PDE5A: variants seen among roughly 807,000 people sequenced by gnomAD.
The protein encoded by PDE5A is phosphodiesterase 5A, also known as cGMP-specific 3',5'-cyclic phosphodiesterase.
Under a neutral mutation model 110.2 loss-of-function variants are expected in PDE5A, and 67 were observed. The observed-to-expected ratio is 0.61, with a 90% CI of 0.50 to 0.75. The LOEUF is 0.75. Among genes scored for constraint, PDE5A ranks in the 30% least tolerant of loss-of-function variants. The probability of loss-of-function intolerance (pLI) is 0.00; values close to 1 mark genes in which losing one functional copy is unlikely to be tolerated. For synonymous variants in PDE5A, 328 were observed against 351.2 expected (o/e 0.93, Z 0.74); for missense variants, 862 against 1,045.1 (o/e 0.82, Z 2.42).
intron 3 of PDE5A, among the ~76,000 whole-genome samples, chr4:119,577,520 G>C (rs1025107383): frequency 6.6e-6 from 1 of 152,178 alleles, no homozygotes. Flanking sequence ...TGGGATGCAA[G>C]GCTGGTTCAA....
intron 9 of PDE5A, chr4:119,543,929 G>C (rs1201346690): frequency 1.3e-5 from 2 of 152,066 alleles, no homozygotes; most frequent in African/African-American, 4.8e-5. Context: ...TTTCTAGACT[G>C]TCAGTATCTT....
intron 2 of PDE5A, among the ~76,000 whole-genome samples, chr4:119,606,401 C>A: frequency 6.6e-6 from 1 of 151,364 alleles, no homozygotes; most frequent in African/African-American, 2.4e-5. Context: ...GTATAGTGAT[C>A]AGATAAAAAG....
intron 7 of PDE5A, among the ~76,000 whole-genome samples, chr4:119,557,832 C>T (rs1473219279): frequency 1.3e-5 from 2 of 152,172 alleles, no homozygotes; most frequent in African/African-American, 4.8e-5. Context: ...CATTCTTCTA[C>T]ACTGTATCCA....
chr4:119,545,017 A>AAACAAC (rs71595402), intron 9 of PDE5A, among the ~76,000 whole-genome samples: 112 of 151,726 alleles, frequency 7.4e-4, no homozygotes, highest in African/African-American at 2.6e-3. Context: ...GCTCTGGGGA[A>AAACAAC]AACAACAACA....
chr4:119,593,026 A>T (rs984619411), intron 3 of PDE5A, among the ~76,000 whole-genome samples: 1 of 152,156 alleles, frequency 6.6e-6, no homozygotes, highest in Non-Finnish European at 1.5e-5. Flanking sequence ...ATGTAATGAA[A>T]TTTAAATCAT....
intron 2 of PDE5A, among the ~76,000 whole-genome samples, chr4:119,597,317 T>C (rs369116336): frequency 6.8e-6 from 1 of 146,544 alleles, no homozygotes; most frequent in Non-Finnish European, 1.5e-5. Context: ...TTTTTTTTTT[T>C]CTTTTTTTGT....
chr4:119,512,070 A>T (rs906775861), intron 14 of PDE5A, among the ~76,000 whole-genome samples: 3 of 152,080 alleles, frequency 2.0e-5, no homozygotes, highest in African/African-American at 7.2e-5. Context: ...CTGATTTGTT[A>T]TTTCTTCCTA....
chr4:119,608,680 G>A (rs1358790751), intron 1 of PDE5A, among the ~76,000 whole-genome samples: 2 of 152,096 alleles, frequency 1.3e-5, no homozygotes, highest in South Asian at 2.1e-4. Context: ...AAGATAAAAA[G>A]TTGCTATAAC....
chr4:119,529,970 G>C (rs774170858), intron 11 of PDE5A, among the ~76,000 whole-genome samples: 1 of 152,110 alleles, frequency 6.6e-6, no homozygotes, highest in Non-Finnish European at 1.5e-5. Flanking sequence ...TCCCAACACA[G>C]ACCTACTGAA....
intron 11 of PDE5A, chr4:119,538,732 AATG>A: frequency 2.3e-6 from 1 of 442,676 alleles, no homozygotes; most frequent in Non-Finnish European, 4.1e-6. Context: ...AAAAAGATGT[AATG>A]ATTATAACAA....
intron 3 of PDE5A, among the ~76,000 whole-genome samples, chr4:119,574,463 G>A (rs1231353324): frequency 6.6e-6 from 1 of 151,952 alleles, no homozygotes; most frequent in Non-Finnish European, 1.5e-5. Context: ...TTACAGGTGT[G>A]GGCCACCGCG....
chr4:119,540,566 A>G (rs964344313), intron 10 of PDE5A, among the ~76,000 whole-genome samples: 1 of 152,228 alleles, frequency 6.6e-6, no homozygotes. Flanking sequence ...ACATGGATAC[A>G]TGAATAAAGA....
intron 8 of PDE5A, among the ~76,000 whole-genome samples, chr4:119,553,285 T>A (rs1727423078): frequency 6.6e-6 from 1 of 152,062 alleles, no homozygotes; most frequent in South Asian, 2.1e-4. Context: ...ACCAATTGCA[T>A]CAGTTCAAGC....
At chr4:119,584,296 A>G (rs1324601032) in intron 3 of PDE5A, among the ~76,000 whole-genome samples, 1 of 152,210 alleles carries the variant, frequency 6.6e-6, no homozygotes, top group Non-Finnish European at 1.5e-5. Context: ...TCTGTAAAAC[A>G]ATACATGCAA....
At chr4:119,621,260 C>A (rs1244205622) in intron 1 of PDE5A, among the ~76,000 whole-genome samples, 1 of 152,124 alleles carries the variant, frequency 6.6e-6, no homozygotes, top group Admixed American at 6.5e-5. Flanking sequence ...GGGAATGTAC[C>A]CTCCCCAATG....
At position 119,498,689 on chromosome 4, in the gene PDE5A, C is replaced by G; in HGVS notation, c.2540G>C (p.Arg847Thr). 6.2e-7 allele frequency: 1 copy of G among 1,613,950 alleles called. No individual in the cohort carries two copies. The highest frequency in any genetic ancestry group is 1.1e-5 in the South Asian group (1 of 91,076). Residue 847 changes from arginine to threonine, a missense_variant, in exon 21 of 21, where the codon AGA becomes ACA. Transcript: ENST00000354960. ...EDCFPLLDGC[R>T]KNRQKWQALA... ...GGCCTGCCATTTCTGCCTGTTCTTT[C>G]TGCAGCCATCTAGCAAAGGGAAACA...
intron 1 of PDE5A, among the ~76,000 whole-genome samples, chr4:119,622,819 G>A (rs1297921602): frequency 7.1e-6 from 1 of 141,684 alleles, no homozygotes; most frequent in East Asian, 2.1e-4. Flanking sequence ...AGCCGAGATT[G>A]CGCCACTGCA....
chr4:119,599,948 G>A (rs1360344788), intron 2 of PDE5A, among the ~76,000 whole-genome samples: 1 of 152,094 alleles, frequency 6.6e-6, no homozygotes, highest in East Asian at 1.9e-4. Context: ...AAAAAAATGA[G>A]AAAACTCTTT....
intron 1 of PDE5A, among the ~76,000 whole-genome samples, chr4:119,618,598 T>C (rs59590064): frequency 0.47 from 71,373 of 151,842 alleles, 17,080 homozygotes; most frequent in South Asian, 0.64. Context: ...ATATAATTTG[T>C]TTTTTTCAGT....
Sources: allele counts gnomAD v4.1 joint callset (sites outside exome capture counted in the v4.1 genomes callset), GRCh38; gene constraint gnomAD v4.1.1; transcripts MANE v1.5; gene names NCBI Gene and HGNC (gene_info 2026-07-23, HGNC 2026-07-21).